EFCAB7: variants seen among roughly 807,000 people sequenced by gnomAD.
EFCAB7 encodes EF-hand calcium binding domain 7, also known as EF-hand calcium-binding domain-containing protein 7.
EFCAB7 carries 66 observed loss-of-function variants against 77.1 expected under a neutral mutation model. That is an observed-to-expected ratio of 0.86 (90% confidence interval 0.70 to 1.05). The LOEUF (loss-of-function observed/expected upper bound fraction) is 1.05, where lower values mean the gene tolerates loss of function less well. Among genes scored for constraint, EFCAB7 ranks in the 50% least tolerant of loss-of-function variants. The pLI, the probability that EFCAB7 is intolerant of heterozygous loss-of-function variation, is 0.00. For missense variants in EFCAB7, 638 were observed against 730.5 expected, an observed-to-expected ratio of 0.87 and a Z score of 1.46; for synonymous variants, 225 against 243.3, an observed-to-expected ratio of 0.92 and a Z score of 0.70.
chr1:63,552,611 G>C (rs979872080), intron 8 of EFCAB7, among the ~76,000 whole-genome samples: 1 of 152,096 alleles, frequency 6.6e-6, no homozygotes, highest in Non-Finnish European at 1.5e-5. Context: ...TTTTCTAATA[G>C]TATATTTACT....
At chr1:63,540,363 C>CAAA (rs758025864) in intron 6 of EFCAB7, among the ~76,000 whole-genome samples, 2 of 44,308 alleles carry the variant, frequency 4.5e-5, no homozygotes, top group African/African-American at 7.6e-5. Flanking sequence ...GACTCCATCT[C>CAAA]AAAAAAAAAA....
intron 1 of EFCAB7, 55 bp downstream of exon 1, chr1:63,523,689 A>C (rs1168419917): frequency 6.0e-6 from 1 of 165,752 alleles, no homozygotes; most frequent in Non-Finnish European, 1.3e-5. Flanking sequence ...CTCTCTGTGC[A>C]GCTGCTTCTC....
intron 7 of EFCAB7, chr1:63,550,090 T>G (rs1646947634): frequency 6.6e-6 from 1 of 152,378 alleles, no homozygotes; most frequent in East Asian, 1.9e-4. Flanking sequence ...GACAAAAAAT[T>G]TTAAGCCAGT....
intron 11 of EFCAB7, among the ~76,000 whole-genome samples, chr1:63,567,963 C>A (rs1353581205): frequency 6.6e-6 from 1 of 152,078 alleles, no homozygotes; most frequent in African/African-American, 2.4e-5. Flanking sequence ...TTGATGAATT[C>A]TTTCTGTAAC....
At chr1:63,559,675 T>C (rs903706943) in intron 10 of EFCAB7, among the ~76,000 whole-genome samples, 1 of 152,134 alleles carries the variant, frequency 6.6e-6, no homozygotes, top group South Asian at 2.1e-4. Context: ...TTGCCCAGGC[T>C]GGTCTCAAAC....
Position 63,532,666 on chromosome 1 carries a change from TCAG to T in EFCAB7, c.400-3_400-1del. ...TTAAAATAAATCTTGTTTTTTTTTTTCAGAGAGGTGAGAAGATGACTCGAGAAG... is the reference window on the plus strand; with the variant it reads ...TTAAAATAAATCTTGTTTTTTTTTTTAGAGGTGAGAAGATGACTCGAGAAG... On this transcript the variant is annotated splice_acceptor_variant and splice_polypyrimidine_tract_variant and intron_variant, in intron 3 of 13. Coordinates refer to ENST00000371088, the MANE Select transcript of EFCAB7 (RefSeq NM_032437.4). LOFTEE classifies it high-confidence loss of function. 6.3e-7 allele frequency: 1 copy of T among 1,583,548 alleles called. No homozygotes were observed.
At chr1:63,583,938 C>CAAAAAA in the EFCAB7 span, among the ~76,000 whole-genome samples, 1 of 82,638 alleles carries the variant, frequency 1.2e-5, no homozygotes, top group African/African-American at 4.6e-5. Flanking sequence ...TGGATATGGC[C>CAAAAAA]AAAAAAAAAA....
At chr1:63,538,611 G>A (rs1233203502) in intron 6 of EFCAB7, among the ~76,000 whole-genome samples, 2 of 151,932 alleles carry the variant, frequency 1.3e-5, no homozygotes, top group African/African-American at 4.8e-5. Context: ...GCACCACCAC[G>A]CTGGCTAATT....
intron 8 of EFCAB7, 64 bp from the exon 9 acceptor site, chr1:63,555,294 C>A: frequency 6.7e-7 from 1 of 1,487,262 alleles, no homozygotes; most frequent in Non-Finnish European, 9.0e-7. Flanking sequence ...ATATTAAAAG[C>A]TTTAAATTAA....
At chr1:63,575,243 A>G (rs1362254380), downstream of EFCAB7, among the ~76,000 whole-genome samples, 1 of 152,032 alleles carries the variant, frequency 6.6e-6, no homozygotes, top group East Asian at 1.9e-4. Context: ...GAGTCATGAC[A>G]TATTCTTAAA....
At chr1:63,577,668 TTAAAA>T (rs1338159462), downstream of EFCAB7, among the ~76,000 whole-genome samples, 10 of 152,302 alleles carry the variant, frequency 6.6e-5, no homozygotes, top group East Asian at 1.9e-4. Flanking sequence ...TATTAATTAG[TTAAAA>T]TAAATAAGTA....
intron 8 of EFCAB7, among the ~76,000 whole-genome samples, chr1:63,553,607 G>T (rs1274651726): frequency 1.3e-5 from 2 of 152,070 alleles, no homozygotes; most frequent in Non-Finnish European, 2.9e-5. Context: ...CAAAGTGCTG[G>T]GATTACAGGC....
intron 1 of EFCAB7, 80 bp from the exon 2 acceptor site, chr1:63,525,492 C>A: frequency 1.8e-6 from 2 of 1,132,824 alleles, no homozygotes; most frequent in South Asian, 2.3e-5. Context: ...GATTCTCCTC[C>A]CTGTATTTGA....
intron 7 of EFCAB7, chr1:63,549,513 A>G: frequency 2.2e-6 from 1 of 456,580 alleles, no homozygotes; most frequent in Non-Finnish European, 4.5e-6. Context: ...TACCTTCCTC[A>G]TGGAAAAAGT....
the EFCAB7 span, among the ~76,000 whole-genome samples, chr1:63,581,612 A>G: frequency 9.9e-5 from 15 of 152,256 alleles, no homozygotes; most frequent in East Asian, 1.5e-3. Context: ...TTTGGATGTC[A>G]GTTTGCTAAT....
At chr1:63,526,657 C>T (rs1009029839) in intron 2 of EFCAB7, among the ~76,000 whole-genome samples, 1 of 152,082 alleles carries the variant, frequency 6.6e-6, no homozygotes, top group Non-Finnish European at 1.5e-5. Flanking sequence ...CTTTTAAAGT[C>T]ATGTTTAATT....
chr1:63,534,644 A>C (rs1646742215), intron 6 of EFCAB7, among the ~76,000 whole-genome samples: 1 of 152,062 alleles, frequency 6.6e-6, no homozygotes, highest in East Asian at 1.9e-4. Context: ...CCCTTTCTAG[A>C]CTCAACCTTT....
chr1:63,584,812 T>G, the EFCAB7 span, among the ~76,000 whole-genome samples: 1 of 152,230 alleles, frequency 6.6e-6, no homozygotes, highest in African/African-American at 2.4e-5. Flanking sequence ...CTGGTCAACA[T>G]AGGCTATTAG....
chr1:63,556,955 G>A (rs906310334), intron 9 of EFCAB7, among the ~76,000 whole-genome samples, 159 bp from the exon 10 acceptor site: 10 of 150,424 alleles, frequency 6.6e-5, no homozygotes, highest in Admixed American at 6.6e-5. Flanking sequence ...GGAGAATGGC[G>A]TGAACCCAGG....
Sources: allele counts gnomAD v4.1 joint callset (sites outside exome capture counted in the v4.1 genomes callset), GRCh38; gene constraint gnomAD v4.1.1; transcripts MANE v1.5; gene names NCBI Gene and HGNC (gene_info 2026-07-23, HGNC 2026-07-21).